The following TMEM74 variants were observed in gnomAD, a reference collection of about 807,000 sequenced individuals.
The protein encoded by TMEM74 is transmembrane protein 74.
A neutral mutation model predicts 18.1 loss-of-function variants in TMEM74; 13 were observed. That is an observed-to-expected ratio of 0.72 (90% CI 0.47 to 1.14). TMEM74 has a LOEUF of 1.14. TMEM74 is among the 50% of genes most tolerant of loss of function. The pLI is 0.00. For missense variants in TMEM74, 372 were observed against 375.9 expected (o/e 0.99, Z 0.09); for synonymous variants, 159 against 146.6 (o/e 1.08, Z -0.61).
chr8:108,610,380 C>T (rs1208962579), intron 2 of TMEM74, among the ~76,000 whole-genome samples: 1 of 152,040 alleles, frequency 6.6e-6, no homozygotes, highest in East Asian at 1.9e-4. Context: ...TTATTAAGTG[C>T]TAAATATGTT....
At chr8:108,721,179 T>G (rs920467535) in intron 1 of TMEM74, among the ~76,000 whole-genome samples, 2 of 152,156 alleles carry the variant, frequency 1.3e-5, no homozygotes, top group African/African-American at 4.8e-5. Flanking sequence ...CAGTGGTGAA[T>G]CAAACATTGT....
chr8:108,714,153 A>G (rs1813500553), intron 1 of TMEM74, among the ~76,000 whole-genome samples: 1 of 152,070 alleles, frequency 6.6e-6, no homozygotes, highest in African/African-American at 2.4e-5. Flanking sequence ...AGACACCCCA[A>G]AATAATTCTT....
chr8:108,656,412 T>C (rs1473837681), intron 1 of TMEM74, among the ~76,000 whole-genome samples: 1 of 152,196 alleles, frequency 6.6e-6, no homozygotes, highest in Admixed American at 6.5e-5. Flanking sequence ...CCATCTCAAT[T>C]GATTTAGATT....
At chr8:108,662,173 T>A (rs1312046954) in intron 1 of TMEM74, among the ~76,000 whole-genome samples, 2 of 151,108 alleles carry the variant, frequency 1.3e-5, no homozygotes, top group South Asian at 4.2e-4. Flanking sequence ...AATAAGCAGG[T>A]GGAAAAGTTG....
rs1157905770 is a variant in TMEM74, at chr8:108,782,512, C to T, written c.*1669G>A. On this transcript the variant is annotated 3_prime_UTR_variant, in exon 2 of 2. Coordinates refer to ENST00000297459, the MANE Select transcript of TMEM74 (RefSeq NM_153015.3). ...CTCCCTTTTTGTATTTCAGTTCAAC[C>T]CTTAAGTCATATGCAGCATACCTCA... Among the ~76,000 whole-genome samples the T allele has an allele frequency of 3.3e-5, 5 of 152,062 alleles. No individual in the cohort carries two copies. Among genetic ancestry groups the T allele is most frequent in the African/African-American group, 1.2e-4 (5 of 41,396 alleles).
At chr8:108,725,463 T>A (rs1813627774) in intron 1 of TMEM74, among the ~76,000 whole-genome samples, 2 of 152,204 alleles carry the variant, frequency 1.3e-5, no homozygotes, top group South Asian at 2.1e-4. Context: ...TTTTTAGTTT[T>A]CTTCCCCCTA....
chr8:108,628,647 C>T (rs915176749), intron 2 of TMEM74, among the ~76,000 whole-genome samples: 7 of 151,982 alleles, frequency 4.6e-5, no homozygotes, highest in African/African-American at 1.7e-4. Flanking sequence ...GGTATATACC[C>T]AGAAATGAGA....
chr8:108,655,842 T>C (rs945410749), intron 1 of TMEM74, among the ~76,000 whole-genome samples: 1 of 152,178 alleles, frequency 6.6e-6, no homozygotes, highest in African/African-American at 2.4e-5. Context: ...AACTGAAACA[T>C]TGTAGAACAA....
intron 1 of TMEM74, among the ~76,000 whole-genome samples, chr8:108,686,869 A>G: frequency 6.6e-6 from 1 of 152,186 alleles, no homozygotes; most frequent in Non-Finnish European, 1.5e-5. Flanking sequence ...CCAGAAAGGA[A>G]GATGGTGAGT....
At chr8:108,678,769 T>C (rs1280602474) in intron 1 of TMEM74, among the ~76,000 whole-genome samples, 1 of 151,090 alleles carries the variant, frequency 6.6e-6, no homozygotes, top group Non-Finnish European at 1.5e-5. Context: ...TATTATACTT[T>C]AAGTTTTAGG....
Position 108,783,101 on chromosome 8 carries a change from C to T in TMEM74, c.*1080G>A, listed in dbSNP as rs910894355. On this transcript the variant is annotated 3_prime_UTR_variant, in exon 2 of 2. Transcript: ENST00000297459. The stretch of plus-strand genomic sequence containing the variant: ...AATCAGTGTATTGAATCTCTCTTTC[C>T]ATTTTATTTTTTTTTGGCTTTGGGC... Among the ~76,000 whole-genome samples, 36 of 152,188 alleles carry T rather than the reference C, an allele frequency of 2.4e-4. 1 individual carries two copies. Among genetic ancestry groups the T allele is most frequent in the African/African-American group, 8.7e-4 (36 of 41,488 alleles).
rs114782028 is a variant in TMEM74 at position 108,674,703 on chromosome 8, G to T, written n.120-19266C>A. Among the ~76,000 whole-genome samples, 250 of 152,298 alleles carry T rather than the reference G, an allele frequency of 1.6e-3. 2 individuals are homozygous for T. Among genetic ancestry groups the T allele is most frequent in the African/African-American group, 5.5e-3 (230 of 41,578 alleles). ...ACTTGGACCAAAAATACTTGTAGTT[G>T]TGTGAACTGAACTGGGCCCCAGATG... On this transcript the variant is annotated intron_variant and non_coding_transcript_variant, in intron 1 of 3. Coordinates refer to the TMEM74 transcript ENST00000518838.
At chr8:108,620,180 G>A (rs1812425532) in intron 2 of TMEM74, among the ~76,000 whole-genome samples, 1 of 152,094 alleles carries the variant, frequency 6.6e-6, no homozygotes. Context: ...AAAATCTGAT[G>A]TTTATTTTCA....
intron 2 of TMEM74, among the ~76,000 whole-genome samples, chr8:108,617,246 C>T (rs1018349131): frequency 1.3e-5 from 2 of 151,894 alleles, no homozygotes; most frequent in Non-Finnish European, 2.9e-5. Context: ...TACTCTTTTC[C>T]TTAGTTTGGT....
intron 1 of TMEM74, among the ~76,000 whole-genome samples, chr8:108,785,644 A>G (rs528606596): frequency 1.3e-5 from 2 of 152,292 alleles, no homozygotes; most frequent in African/African-American, 4.8e-5. Context: ...TTAGCTTTGG[A>G]GCATCACCAT....
At chr8:108,650,770 G>A (rs934205371) in intron 2 of TMEM74, among the ~76,000 whole-genome samples, 1 of 151,836 alleles carries the variant, frequency 6.6e-6, no homozygotes, top group African/African-American at 2.4e-5. Flanking sequence ...GAGTGCAATG[G>A]CATGATCTCA....
intron 1 of TMEM74, among the ~76,000 whole-genome samples, chr8:108,685,841 G>GA (rs1423973020): frequency 6.6e-6 from 1 of 151,834 alleles, no homozygotes; most frequent in East Asian, 1.9e-4. Context: ...ATTTTAATTA[G>GA]AAAAAATGAA....
intron 2 of TMEM74, among the ~76,000 whole-genome samples, chr8:108,622,497 A>G (rs1223972273): frequency 6.6e-6 from 1 of 152,126 alleles, no homozygotes; most frequent in Non-Finnish European, 1.5e-5. Context: ...ACATCACTTG[A>G]GATACTGTAT....
chr8:108,772,805 G>A (rs1814188015), intron 1 of TMEM74, among the ~76,000 whole-genome samples: 1 of 152,144 alleles, frequency 6.6e-6, no homozygotes, highest in African/African-American at 2.4e-5. Context: ...CTTATGAGCT[G>A]TGTGACCTTG....
Sources: gnomAD v4.1 joint callset for allele counts (sites outside exome capture counted in the v4.1 genomes callset) on GRCh38, gnomAD v4.1.1 for gene constraint, MANE v1.5 for transcripts, NCBI Gene and HGNC (gene_info 2026-07-23, HGNC 2026-07-21) for gene names.